The following FILIP1 variants were observed in gnomAD, a reference collection of about 807,000 sequenced individuals.
FILIP1 encodes filamin-A-interacting protein 1.
In FILIP1, 61 loss-of-function variants were observed where a neutral mutation model predicts 102.1. The ratio of observed to expected loss-of-function variants is 0.60; its 90% CI spans 0.49 to 0.74. FILIP1 has a LOEUF of 0.74. Ranked by LOEUF, FILIP1 falls within the 30% of genes least tolerant of loss-of-function variation. FILIP1 has a pLI of 0.00. For missense variants in FILIP1, 1,314 were observed against 1,441.2 expected (o/e 0.91, Z 1.43); for synonymous variants, 491 against 526.9 (o/e 0.93, Z 0.93).
At chr6:75,319,905 C>A (rs978655626) in intron 4 of FILIP1, 3 of 466,942 alleles carry the variant, frequency 6.4e-6, no homozygotes, top group African/African-American at 2.1e-5. Context: ...TTATGCTCCT[C>A]CTCCGGACAA....
intron 5 of FILIP1, among the ~76,000 whole-genome samples, chr6:75,310,576 G>A (rs1055376168): frequency 2.5e-4 from 38 of 152,196 alleles, no homozygotes; most frequent in Admixed American, 4.6e-4. Context: ...AATGCTACCC[G>A]TGTATGAGGT....
chr6:75,322,389 C>G (rs1773693941), intron 4 of FILIP1, among the ~76,000 whole-genome samples: 1 of 152,190 alleles, frequency 6.6e-6, no homozygotes, highest in African/African-American at 2.4e-5. Flanking sequence ...ATTCTCTTCT[C>G]CGCTCACCTT....
chr6:75,297,048 G>A (rs1197166571), intron 6 of FILIP1: 2 of 151,896 alleles, frequency 1.3e-5, no homozygotes, highest in Admixed American at 1.3e-4. Context: ...TACACAGCAG[G>A]GGAAAGAAAA....
At chr6:75,425,708 G>C (rs1463368765) in intron 1 of FILIP1, among the ~76,000 whole-genome samples, 1 of 152,098 alleles carries the variant, frequency 6.6e-6, no homozygotes, top group East Asian at 1.9e-4. Context: ...AACCCACAGT[G>C]TCCTCATCTG....
chr6:75,326,352 G>A (rs13214168), intron 4 of FILIP1, among the ~76,000 whole-genome samples: 8,336 of 152,172 alleles, frequency 0.055, 325 homozygotes, highest in Non-Finnish European at 0.08. Flanking sequence ...TCAGGGAAGT[G>A]GGGTAGAGGG....
At chr6:75,382,756 G>A (rs1335827109) in intron 2 of FILIP1, among the ~76,000 whole-genome samples, 2 of 152,122 alleles carry the variant, frequency 1.3e-5, no homozygotes, top group Admixed American at 1.3e-4. Context: ...AGCTTTTAGG[G>A]CTTAGTCTTA....
intron 1 of FILIP1, among the ~76,000 whole-genome samples, chr6:75,483,607 T>C (rs141420742): frequency 1.3e-5 from 2 of 152,076 alleles, no homozygotes; most frequent in African/African-American, 2.4e-5. Context: ...TTGAGGAGAA[T>C]AGGTTGCCTC....
intron 2 of FILIP1, among the ~76,000 whole-genome samples, chr6:75,390,830 T>A (rs1776259624): frequency 6.6e-6 from 1 of 152,098 alleles, no homozygotes; most frequent in Non-Finnish European, 1.5e-5. Context: ...GATTTTTGCC[T>A]CTGGATTGCT....
chr6:75,397,537 G>GACACAC (rs59797690), intron 2 of FILIP1, among the ~76,000 whole-genome samples: 24 of 139,076 alleles, frequency 1.7e-4, no homozygotes, highest in East Asian at 6.5e-4. Flanking sequence ...ACACATATAA[G>GACACAC]ACACACACAC....
intron 1 of FILIP1, among the ~76,000 whole-genome samples, chr6:75,471,513 T>C: frequency 6.6e-6 from 1 of 152,190 alleles, no homozygotes; most frequent in Admixed American, 6.5e-5. Flanking sequence ...AATATAAGTA[T>C]TGCGCATTCA....
chr6:75,451,786 A>G (rs1778641280), intron 1 of FILIP1, among the ~76,000 whole-genome samples: 1 of 152,312 alleles, frequency 6.6e-6, no homozygotes, highest in African/African-American at 2.4e-5. Flanking sequence ...GTGAGCCGAG[A>G]TTGAGCCATT....
chr6:75,400,101 G>A (rs1451848419), intron 2 of FILIP1, among the ~76,000 whole-genome samples: 1 of 152,134 alleles, frequency 6.6e-6, no homozygotes, highest in Non-Finnish European at 1.5e-5. Context: ...AGTGATGCAG[G>A]CGTTAGGCAC....
intron 1 of FILIP1, chr6:75,458,020 T>C (rs1223689695): frequency 1.3e-5 from 2 of 152,192 alleles, no homozygotes; most frequent in Non-Finnish European, 2.9e-5. Context: ...AAATTAATAA[T>C]CAGAATGCTC....
chr6:75,425,994 T>C (rs1456877836), intron 1 of FILIP1, among the ~76,000 whole-genome samples: 1 of 152,124 alleles, frequency 6.6e-6, no homozygotes, highest in African/African-American at 2.4e-5. Flanking sequence ...CATTAAATAT[T>C]TTAGGCTTTG....
downstream of FILIP1, among the ~76,000 whole-genome samples, chr6:75,305,422 T>G (rs565859231): frequency 3.9e-4 from 59 of 152,336 alleles, no homozygotes; most frequent in South Asian, 0.012. Context: ...AAAGCTATTT[T>G]TCACTTCTTT....
In FILIP1 at chr6:75,382,541, C is replaced by A. The variant is rs372235830; in HGVS notation, c.277-19624G>T. On this transcript the variant is annotated intron_variant, in intron 2 of 5. Coordinates refer to ENST00000237172, the MANE Select transcript of FILIP1 (RefSeq NM_015687.5). ...GGCACAGCCCCCAAAAGAATTAACT[C>A]TACTGTGCTTGCTATTCTTAAACTG... 3.3e-5 allele frequency among the ~76,000 whole-genome samples: 5 copies of A among 152,308 alleles called. No homozygotes were observed. In the East Asian group the frequency reaches 5.8e-4, roughly 18 times the overall value.
chr6:75,363,171 T>C (rs1775224905), intron 2 of FILIP1: 1 of 394,858 alleles, frequency 2.5e-6, no homozygotes, highest in Non-Finnish European at 4.6e-6. Context: ...AAAATTGCTT[T>C]ATCTAAGTAG....
chr6:75,432,439 A>G (rs140152458), intron 1 of FILIP1, among the ~76,000 whole-genome samples: 97 of 152,368 alleles, frequency 6.4e-4, no homozygotes, highest in African/African-American at 2.2e-3. Context: ...AACTGTTCCC[A>G]TTGAAAAGAT....
chr6:75,413,709 G>A (rs967974691), intron 2 of FILIP1, among the ~76,000 whole-genome samples: 5 of 151,028 alleles, frequency 3.3e-5, no homozygotes, highest in Admixed American at 6.6e-5. Flanking sequence ...TTCCTTCAAA[G>A]GCTCATGCAA....
Sources: gnomAD v4.1 joint callset for allele counts (sites outside exome capture counted in the v4.1 genomes callset) on GRCh38, gnomAD v4.1.1 for gene constraint, MANE v1.5 for transcripts, NCBI Gene and HGNC (gene_info 2026-07-23, HGNC 2026-07-21) for gene names.